ZC3HAV1: variants seen among roughly 807,000 people sequenced by gnomAD.
ZC3HAV1 encodes the protein zinc finger CCCH-type containing, antiviral 1.
Under a neutral mutation model 86.6 loss-of-function variants are expected in ZC3HAV1, and 41 were observed. The observed-to-expected ratio is 0.47, with a 90% confidence interval of 0.37 to 0.61. ZC3HAV1 has a LOEUF of 0.61. Ranked by LOEUF, ZC3HAV1 falls within the 20% of genes least tolerant of loss-of-function variation. The pLI, the probability that ZC3HAV1 is intolerant of heterozygous loss-of-function variation, is 0.00. For synonymous variants in ZC3HAV1, 421 were observed against 432.1 expected, an observed-to-expected ratio of 0.97 and a Z score of 0.32; for missense variants, 964 against 1,141.1, an observed-to-expected ratio of 0.84 and a Z score of 2.24.
rs1323324951 is a variant in ZC3HAV1 at position 139,045,102 on chromosome 7, C to T, written c.*2492G>A. The T allele has an allele frequency of 6.6e-6, 1 of 152,054 alleles. No individual in the cohort carries two copies. The highest frequency in any genetic ancestry group is 1.5e-5 in the Non-Finnish European group (1 of 68,012). The allele number at this position is 152,054 out of a possible 1,614,324, so 9.4% of individuals were successfully genotyped here. A position where few individuals can be genotyped will look rare whatever the true frequency, so the allele number is the denominator to read the frequency against. ...GCCCAAGTTAGGTACCTTTTATTTC[C>T]TCTTTATGTTCATATTAGTTTTATT... On this transcript the variant is annotated 3_prime_UTR_variant, in exon 13 of 13. Coordinates refer to ENST00000242351, the MANE Select transcript of ZC3HAV1 (RefSeq NM_020119.4).
rs1173745012 is a variant in ZC3HAV1, at chr7:139,055,256, C to T, written c.2136G>A (p.Ala712=). The T allele has an allele frequency of 3.1e-6, 5 of 1,613,328 alleles. No individual in the cohort carries two copies. Among genetic ancestry groups the T allele is most frequent in the East Asian group, 4.5e-5 (2 of 44,858 alleles). ...AAAAGTCCTCCTGAGGACGAAAGGT[C>T]GCAGTTAAAGACACTGACGAGGTCT... ...PAKTSSVSLT[A]TFRPQEDFCF... is the part of the protein sequence containing the mutation. Residue 712 remains alanine (A), a synonymous_variant, in exon 10 of 13, where the codon GCG becomes GCA. Coordinates refer to ENST00000242351, the MANE Select transcript of ZC3HAV1 (RefSeq NM_020119.4).
At position 139,079,166 on chromosome 7, in the gene ZC3HAV1, C is replaced by G. The variant is rs1584857795; in HGVS notation, c.1471+304G>C. 3 of 1,536,198 alleles carry G rather than the reference C, an allele frequency of 2.0e-6. No individual in the cohort carries two copies. The East Asian group carries it at 7.3e-5, about 38-fold the overall frequency. On this transcript the variant is annotated intron_variant, in intron 4 of 12. Coordinates refer to ENST00000242351, the MANE Select transcript of ZC3HAV1 (RefSeq NM_020119.4). ...GGCAGAGGAAACAGGAACCTGGGTG[C>G]AGTTCTGCCCTTGGGCCCCCCAGAC...
chr7:139,104,620 G>C (rs1047971022), intron 1 of ZC3HAV1, among the ~76,000 whole-genome samples: 1 of 151,712 alleles, frequency 6.6e-6, no homozygotes, highest in African/African-American at 2.4e-5. Context: ...CTACGCGGGA[G>C]GCTGAGGCAG....
At chr7:139,079,286 A>T (rs1201327581) in intron 4 of ZC3HAV1, 184 bp downstream of exon 4, 1 of 1,537,336 alleles carries the variant, frequency 6.5e-7, no homozygotes, top group Non-Finnish European at 8.7e-7. Context: ...GGTGGGGACC[A>T]GGTTCCTCAG....
chr7:139,103,679 G>A (rs988749080), intron 1 of ZC3HAV1, among the ~76,000 whole-genome samples: 7 of 152,132 alleles, frequency 4.6e-5, no homozygotes, highest in African/African-American at 1.7e-4. Flanking sequence ...ACACTTGCAC[G>A]TAAATTCTTG....
chr7:139,077,172 G>C (rs1314948615), intron 5 of ZC3HAV1, among the ~76,000 whole-genome samples: 1 of 152,198 alleles, frequency 6.6e-6, no homozygotes, highest in Non-Finnish European at 1.5e-5. Context: ...CCAATAGTCA[G>C]TTGGGGGTTA....
At chr7:139,097,415 TA>T (rs1345453255) in intron 1 of ZC3HAV1, among the ~76,000 whole-genome samples, 64 of 80,012 alleles carry the variant, frequency 8.0e-4, no homozygotes, top group Admixed American at 1.1e-3. Context: ...TATATATATA[TA>T]TATATATATA....
intron 2 of ZC3HAV1, among the ~76,000 whole-genome samples, chr7:139,084,654 G>T (rs1298633189): frequency 1.3e-5 from 2 of 152,116 alleles, no homozygotes; most frequent in Non-Finnish European, 2.9e-5. Flanking sequence ...TGACCTCAAG[G>T]GATCCCTTAC....
Position 139,083,851 on chromosome 7 carries a change from G to C in ZC3HAV1, c.626C>G (p.Pro209Arg). The part of the protein sequence containing the change: ...LAIMREHGLN[P>R]DVVQNIQDIC... ...GTCCTGGATGTTCTGGACCACGTCG[G>C]GGTTCAGCCCGTGCTCCCTCATGAT... Residue 209 changes from proline to arginine, a missense_variant, in exon 3 of 13, where the codon CCC becomes CGC. By Grantham distance (103) the Pro-to-Arg change is moderately radical. Transcript: ENST00000242351. 1.2e-6 allele frequency: 2 copies of C among 1,614,148 alleles called. No homozygotes were observed. The highest frequency in any genetic ancestry group is 1.7e-6 in the Non-Finnish European group (2 of 1,180,036).
chr7:139,075,378 A>G (rs1215302513), intron 6 of ZC3HAV1, among the ~76,000 whole-genome samples: 1 of 152,174 alleles, frequency 6.6e-6, no homozygotes, highest in Non-Finnish European at 1.5e-5. Context: ...CACACCATAG[A>G]TAAATACGGT....
chr7:139,107,919 C>T (rs1268638579), intron 1 of ZC3HAV1, among the ~76,000 whole-genome samples: 2 of 152,182 alleles, frequency 1.3e-5, no homozygotes, highest in Non-Finnish European at 2.9e-5. Context: ...AAAGACTGGC[C>T]ATTCATTAAT....
intron 12 of ZC3HAV1, among the ~76,000 whole-genome samples, chr7:139,052,154 G>C (rs1242261704): frequency 6.7e-6 from 1 of 149,158 alleles, no homozygotes; most frequent in East Asian, 2.0e-4. Context: ...TTTACTTTAA[G>C]TTTTAGGGTA....
intron 6 of ZC3HAV1, among the ~76,000 whole-genome samples, 166 bp from the exon 7 acceptor site, chr7:139,074,196 G>A (rs1017532125): frequency 2.6e-5 from 4 of 152,092 alleles, no homozygotes; most frequent in Admixed American, 6.5e-5. Context: ...AAACGGAAAC[G>A]CAGAGAGGAA....
At chr7:139,102,645 AGTTTG>A (rs533607275) in intron 1 of ZC3HAV1, among the ~76,000 whole-genome samples, 63 of 151,860 alleles carry the variant, frequency 4.1e-4, no homozygotes, top group African/African-American at 1.5e-3. Context: ...TAATCCCAGC[AGTTTG>A]GGAGGCTGAG....
intron 1 of ZC3HAV1, among the ~76,000 whole-genome samples, chr7:139,101,476 G>C (rs1207523747): frequency 9.0e-6 from 1 of 111,688 alleles, no homozygotes; most frequent in African/African-American, 3.5e-5. Context: ...GATGTGAGGA[G>C]CGCCTCAGCC....
intron 1 of ZC3HAV1, among the ~76,000 whole-genome samples, chr7:139,097,429 T>TATA (rs1491244234): frequency 5.8e-3 from 327 of 56,662 alleles, no homozygotes; most frequent in African/African-American, 0.032. Context: ...TATATATATA[T>TATA]TTTTTTTTTT....
intron 1 of ZC3HAV1, among the ~76,000 whole-genome samples, 180 bp from the exon 2 acceptor site, chr7:139,089,939 G>A (rs1260893738): frequency 6.6e-6 from 1 of 150,998 alleles, no homozygotes; most frequent in Admixed American, 6.6e-5. Flanking sequence ...TTTTTTCTGA[G>A]GCAGAGTTTT....
chr7:139,096,013 TTTTG>T (rs1034801796), intron 1 of ZC3HAV1, among the ~76,000 whole-genome samples: 3 of 152,096 alleles, frequency 2.0e-5, no homozygotes, highest in Non-Finnish European at 2.9e-5. Flanking sequence ...CAATGTTTTT[TTTTG>T]TTTGTTTGTT....
At position 139,047,621 on chromosome 7, in the gene ZC3HAV1, A is replaced by T; in HGVS notation, c.2682T>A (p.Thr894=). 3 of 1,614,116 alleles carry T rather than the reference A, an allele frequency of 1.9e-6. No homozygotes were observed. The highest frequency in any genetic ancestry group is 2.5e-6 in the Non-Finnish European group (3 of 1,180,022). Residue 894 remains threonine, a synonymous_variant, in exon 13 of 13, where the codon ACT becomes ACA. Coordinates refer to ENST00000242351, the MANE Select transcript of ZC3HAV1 (RefSeq NM_020119.4). ...AACTAATCACGCAGGCTTTGTCTTC[A>T]GTATATTCAATCACATATTGTGGGT... The part of the protein sequence containing the change: ...QVYPQYVIEY[T]EDKACVIS
Sources: gnomAD v4.1 joint callset for allele counts (sites outside exome capture counted in the v4.1 genomes callset) on GRCh38, gnomAD v4.1.1 for gene constraint, MANE v1.5 for transcripts, NCBI Gene and HGNC (gene_info 2026-07-23, HGNC 2026-07-21) for gene names.